Variants in CCS observed in about 807,000 individuals in gnomAD.
The protein encoded by CCS is superoxide dismutase copper chaperone.
A neutral mutation model predicts 35.5 loss-of-function variants in CCS; 32 were observed. The observed-to-expected ratio is 0.90, with a 90% CI of 0.68 to 1.21. CCS has a LOEUF of 1.21. Among genes scored for constraint, CCS ranks in the 50% most tolerant of loss-of-function variants. The pLI is 0.00. For missense variants in CCS, 342 were observed against 375.4 expected (o/e 0.91, Z 0.73); for synonymous variants, 130 against 147.2 (o/e 0.88, Z 0.84).
chr11:66,605,632 G>A lies in CCS; in HGVS notation c.671+40G>A, dbSNP rs377375177. The A allele has an allele frequency of 2.6e-5, 42 of 1,600,986 alleles. 1 individual carries two copies. In the African/African-American group the frequency reaches 2.7e-4, roughly 10 times the overall value. ...CCCCTGTAGGAGGCTGTGCTCTGCG[G>A]ATGGTGCATGAGGAACCCAGGGGTG... On this transcript the variant is annotated intron_variant, in intron 7 of 7. Transcript: ENST00000533244.
intron 2 of CCS, among the ~76,000 whole-genome samples, chr11:66,595,701 T>C (rs1730542035): frequency 6.6e-6 from 1 of 152,158 alleles, no homozygotes; most frequent in Admixed American, 6.5e-5. Flanking sequence ...CACTGGGCTC[T>C]GAGCCAACCA....
intron 4 of CCS, 139 bp from the exon 5 acceptor site, chr11:66,600,350 C>T (rs1389499402): frequency 3.8e-5 from 19 of 496,792 alleles, no homozygotes; most frequent in Non-Finnish European, 5.2e-5. Context: ...GTGCCCTCTA[C>T]CCAAAGCCCA....
At chr11:66,600,262 T>C (rs1590830086) in intron 4 of CCS, 6 of 382,938 alleles carry the variant, frequency 1.6e-5, no homozygotes, top group East Asian at 1.5e-4. Context: ...TGCTGTGATA[T>C]AACTAGTTGT....
chr11:66,599,721 C>A, intron 4 of CCS, 85 bp downstream of exon 4: 1 of 1,260,674 alleles, frequency 7.9e-7, no homozygotes, highest in Non-Finnish European at 1.1e-6. Flanking sequence ...GAGGCACATA[C>A]ACACAGGCAC....
chr11:66,598,226 G>T (rs180996659), intron 2 of CCS, among the ~76,000 whole-genome samples: 1 of 152,126 alleles, frequency 6.6e-6, no homozygotes, highest in East Asian at 1.9e-4. Flanking sequence ...CCACAGCCAG[G>T]CGTGATGGCT....
chr11:66,599,836 G>A, intron 4 of CCS, 200 bp downstream of exon 4: 3 of 546,064 alleles, frequency 5.5e-6, no homozygotes, highest in Non-Finnish European at 9.5e-6. Context: ...TCTGACCTTG[G>A]CTGGGCACAG....
intron 2 of CCS, among the ~76,000 whole-genome samples, chr11:66,597,675 C>T (rs1858500994): frequency 6.6e-6 from 1 of 151,826 alleles, no homozygotes; most frequent in South Asian, 2.1e-4. Flanking sequence ...TGGCGTGAAC[C>T]CAGGAGGTGA....
rs989296421 is a variant in CCS at position 66,593,785 on chromosome 11, C to T, written c.112+71C>T. ...GGAGGGACCAGGCGAATCTATTAGGCGAACCCTACTCCCATTTTACAGATG... is the reference window on the plus strand; with the variant it reads ...GGAGGGACCAGGCGAATCTATTAGGTGAACCCTACTCCCATTTTACAGATG... On this transcript the variant is annotated intron_variant, in intron 2 of 7. Coordinates refer to ENST00000533244, the MANE Select transcript of CCS (RefSeq NM_005125.2). 7.3e-6 allele frequency: 10 copies of T among 1,364,742 alleles called. No homozygotes were observed. The Admixed American group carries it at 1.4e-4, about 19-fold the overall frequency. The allele number at this position is 1,364,742 out of a possible 1,614,324, so 84.5% of individuals were successfully genotyped here. A position where few individuals can be genotyped will look rare whatever the true frequency, so the allele number is the denominator to read the frequency against.
intron 5 of CCS, among the ~76,000 whole-genome samples, chr11:66,604,046 A>AT (rs201454247): frequency 0.011 from 1,679 of 148,674 alleles, 33 homozygotes; most frequent in African/African-American, 0.04. Context: ...AAATAAATAA[A>AT]TAAATAAATT....
At position 66,605,607 on chromosome 11, in the gene CCS, C is replaced by T; in HGVS notation, c.671+15C>T. On this transcript the variant is annotated intron_variant, in intron 7 of 7. Coordinates refer to ENST00000533244, the MANE Select transcript of CCS (RefSeq NM_005125.2). ...TCCGGGGAGAGGTGAGTGGTGTCGG[C>T]CCCTGTAGGAGGCTGTGCTCTGCGG... The T allele has an allele frequency of 6.2e-7, 1 of 1,610,178 alleles. No homozygotes were observed. Among genetic ancestry groups the T allele is most frequent in the Non-Finnish European group, 8.5e-7 (1 of 1,177,868 alleles).
chr11:66,593,709 T>C lies in CCS; in HGVS notation c.107T>C (p.Val36Ala), dbSNP rs753372996. The C allele has an allele frequency of 6.2e-7, 1 of 1,613,704 alleles. No individual in the cohort carries two copies. Among genetic ancestry groups the C allele is most frequent in the East Asian group, 2.2e-5 (1 of 44,820 alleles). ...VDAVRKSLQG[V>A]AGVQDVEVHL... ...GCGGTGCGCAAATCCCTGCAAGGGG[T>C]GGCAGGTAAGAACAGGGTAAACTTT... The change falls in exon 2 of 8, where the codon GTG (valine) becomes GCG (alanine). Residue 36 changes from valine to alanine, a missense_variant. Coordinates refer to ENST00000533244, the MANE Select transcript of CCS (RefSeq NM_005125.2).
chr11:66,594,348 GACTCCGTCT>G (rs1858437481), intron 2 of CCS, among the ~76,000 whole-genome samples: 8 of 152,222 alleles, frequency 5.3e-5, no homozygotes, highest in Non-Finnish European at 8.8e-5. Flanking sequence ...AACAGAGTGA[GACTCCGTCT>G]CAAAAAAATA....
chr11:66,605,266 C>T (rs1451200673), intron 5 of CCS, 73 bp from the exon 6 acceptor site: 1 of 1,599,284 alleles, frequency 6.3e-7, no homozygotes, highest in Non-Finnish European at 8.5e-7. Context: ...GCGTCGGAAT[C>T]AGGAAATCAG....
At chr11:66,597,806 C>T (rs1456750610) in intron 2 of CCS, among the ~76,000 whole-genome samples, 2 of 149,642 alleles carry the variant, frequency 1.3e-5, no homozygotes, top group Non-Finnish European at 3.0e-5. Flanking sequence ...CAGTGGCTCA[C>T]GCCTGTAATT....
Position 66,593,251 on chromosome 11 carries a change from C to T in CCS, c.-11C>T. ...GGAGTTCTGCGTCTCGGGGTGGTGACTGGGTCCAGAATGGCTTCGGATTCG... is the reference window on the plus strand; with the variant it reads ...GGAGTTCTGCGTCTCGGGGTGGTGATTGGGTCCAGAATGGCTTCGGATTCG... On this transcript the variant is annotated 5_prime_UTR_variant, in exon 1 of 8. Coordinates refer to ENST00000533244, the MANE Select transcript of CCS (RefSeq NM_005125.2). 1 of 1,561,508 alleles carries T rather than the reference C, an allele frequency of 6.4e-7. No homozygotes were observed. Among genetic ancestry groups the T allele is most frequent in the South Asian group, 1.2e-5 (1 of 84,820 alleles).
intron 2 of CCS, among the ~76,000 whole-genome samples, chr11:66,594,869 C>G (rs1213066383): frequency 6.6e-6 from 1 of 151,810 alleles, no homozygotes; most frequent in Non-Finnish European, 1.5e-5. Flanking sequence ...ACATGGGTAT[C>G]AGGCACATCC....
In CCS at chr11:66,599,449, T is replaced by C. The variant is rs1331529872; in HGVS notation, c.251-10T>C. 7 of 1,525,808 alleles carry C rather than the reference T, an allele frequency of 4.6e-6. No homozygotes were observed. In the East Asian group the frequency reaches 1.4e-4, roughly 30 times the overall value. 94.5% of individuals were successfully genotyped at this position (1,525,808 alleles called of 1,614,324 possible). A position where few individuals can be genotyped will look rare whatever the true frequency, so the allele number is the denominator to read the frequency against. ...GTGGCAAGCCAGCCCAAGTGTCTAA[T>C]ACCTTGCAGAGAATCTGGGGGCAGC... On this transcript the variant is annotated splice_polypyrimidine_tract_variant and intron_variant, in intron 3 of 7. Transcript: ENST00000533244.
chr11:66,601,462 T>C (rs1392172615), intron 5 of CCS, among the ~76,000 whole-genome samples: 1 of 152,234 alleles, frequency 6.6e-6, no homozygotes, highest in East Asian at 1.9e-4. Flanking sequence ...CCATGGTATG[T>C]GTTGCTTAAT....
At position 66,605,471 on chromosome 11, in the gene CCS, T is replaced by C. The variant is rs1414276736; in HGVS notation, c.568-18T>C. 1.2e-6 allele frequency: 2 copies of C among 1,613,674 alleles called. No homozygotes were observed. The highest frequency in any genetic ancestry group is 4.5e-5 in the East Asian group (2 of 44,870). On this transcript the variant is annotated intron_variant, in intron 6 of 7. Transcript: ENST00000533244. ...CCTAACAGGGTCCATCATCTGAAGC[T>C]GTCGTCTCCCCTCAAAGGTGTGGGA...
Sources: allele counts gnomAD v4.1 joint callset (sites outside exome capture counted in the v4.1 genomes callset), GRCh38; gene constraint gnomAD v4.1.1; transcripts MANE v1.5; gene names NCBI Gene and HGNC (gene_info 2026-07-23, HGNC 2026-07-21).